SARNP: variants seen among roughly 807,000 people sequenced by gnomAD.
SARNP encodes the protein SAP domain-containing ribonucleoprotein.
In SARNP, 5 loss-of-function variants were observed where a neutral mutation model predicts 38.1. The observed-to-expected ratio is 0.13, with a 90% CI of 0.07 to 0.28. SARNP has a LOEUF of 0.28. Among genes scored for constraint, SARNP ranks in the 10% least tolerant of loss-of-function variants. The pLI is 1.00. For synonymous variants in SARNP, 84 were observed against 80.6 expected (o/e 1.04, Z -0.23); for missense variants, 180 against 243.9 (o/e 0.74, Z 1.75).
At chr12:55,760,736 C>T (rs1592553117) in intron 9 of SARNP, 96 bp from the exon 10 acceptor site, 1 of 810,308 alleles carries the variant, frequency 1.2e-6, no homozygotes, top group East Asian at 2.4e-5. Context: ...AAGGTGCTAA[C>T]CAACCCTGTG....
chr12:55,778,794 A>G (rs1565674804), intron 9 of SARNP, among the ~76,000 whole-genome samples: 1 of 152,084 alleles, frequency 6.6e-6, no homozygotes, highest in East Asian at 1.9e-4. Flanking sequence ...ACATGGTGAA[A>G]CTCTGTCTCT....
intron 9 of SARNP, among the ~76,000 whole-genome samples, chr12:55,763,088 C>T (rs1316597686): frequency 6.6e-6 from 1 of 152,158 alleles, no homozygotes; most frequent in Non-Finnish European, 1.5e-5. Context: ...GTTTTTCTGC[C>T]TTTCTCATTA....
At chr12:55,761,987 C>G (rs941095640) in intron 9 of SARNP, 1 of 152,214 alleles carries the variant, frequency 6.6e-6, no homozygotes, top group Non-Finnish European at 1.5e-5. Context: ...AACAGAAGGA[C>G]AGATAAGCAA....
At chr12:55,759,142 A>G (rs986209429) in intron 10 of SARNP, among the ~76,000 whole-genome samples, 21 of 152,240 alleles carry the variant, frequency 1.4e-4, no homozygotes, top group African/African-American at 4.8e-4. Flanking sequence ...CTGCTCTCCT[A>G]AAGTGCTGGG....
intron 1 of SARNP, among the ~76,000 whole-genome samples, chr12:55,812,773 C>G (rs1294403133): frequency 6.6e-6 from 1 of 152,248 alleles, no homozygotes; most frequent in Non-Finnish European, 1.5e-5. Context: ...CATTCCCATT[C>G]TTTTGAAGTC....
chr12:55,774,585 AAAAAAAAC>A lies in SARNP; in HGVS notation c.502-13953_502-13946del, dbSNP rs1423526625. 1.5e-4 allele frequency among the ~76,000 whole-genome samples: 23 copies of A among 149,006 alleles called. 1 individual carries two copies. Among genetic ancestry groups the A allele is most frequent in the African/African-American group, 4.5e-4 (18 of 39,774 alleles). On this transcript the variant is annotated intron_variant, in intron 9 of 10. Coordinates refer to ENST00000336133, the MANE Select transcript of SARNP (RefSeq NM_033082.4). ...AAAAAAAAAAAAAAACAAACAAAAA[AAAAAAAAC>A]AAAAATTAGCCAGGTGTGGCGGCAT...
At chr12:55,755,036 T>C (rs1026337423), downstream of SARNP, 1 of 152,132 alleles carries the variant, frequency 6.6e-6, no homozygotes, top group Non-Finnish European at 1.5e-5. Context: ...TTAAATCCCT[T>C]TGGAAGGGAA....
intron 1 of SARNP, among the ~76,000 whole-genome samples, chr12:55,809,299 C>G (rs1343274135): frequency 1.3e-5 from 2 of 152,024 alleles, no homozygotes; most frequent in East Asian, 1.9e-4. Context: ...AAAAAATTAG[C>G]CGAGCATAGT....
In SARNP at chr12:55,791,205, T is replaced by C. The variant is rs192227978; in HGVS notation, c.407-613A>G. Among the ~76,000 whole-genome samples, 490 of 152,338 alleles carry C rather than the reference T, an allele frequency of 3.2e-3. 3 individuals carry two copies. Among genetic ancestry groups the C allele is most frequent in the Non-Finnish European group, 3.0e-3 (206 of 68,028 alleles). On this transcript the variant is annotated intron_variant, in intron 7 of 10. Transcript: ENST00000336133. ...GCAGGGAGAGGTAATGGAGGATATCTACTAATGGGCACAGACTTTCTTTTT... is the reference window on the plus strand; with the variant it reads ...GCAGGGAGAGGTAATGGAGGATATCCACTAATGGGCACAGACTTTCTTTTT...
At chr12:55,797,575 T>C (rs955654126) in intron 4 of SARNP, among the ~76,000 whole-genome samples, 1 of 152,182 alleles carries the variant, frequency 6.6e-6, no homozygotes, top group African/African-American at 2.4e-5. Context: ...AGTAGTACTC[T>C]CCATCAACCC....
chr12:55,812,683 G>A (rs753462561), intron 1 of SARNP, among the ~76,000 whole-genome samples: 1 of 152,192 alleles, frequency 6.6e-6, no homozygotes, highest in Non-Finnish European at 1.5e-5. Flanking sequence ...CCAAACCCTG[G>A]AGTCATCTTT....
chr12:55,800,553 G>T lies in SARNP; in HGVS notation c.251+9C>A, dbSNP rs1879947909. On this transcript the variant is annotated intron_variant, in intron 4 of 10. Transcript: ENST00000336133. Reference sequence around the variant, plus strand: ...CTCTGTACTCAGATTATAAAAAAGGGATAATTACACATCAACAGTTTTTTC... The same window carrying T: ...CTCTGTACTCAGATTATAAAAAAGGTATAATTACACATCAACAGTTTTTTC... 7.0e-6 allele frequency: 11 copies of T among 1,574,782 alleles called. No homozygotes were observed. Among genetic ancestry groups the T allele is most frequent in the African/African-American group, 1.4e-5 (1 of 73,464 alleles).
chr12:55,804,716 A>G (rs1880085823), intron 1 of SARNP, among the ~76,000 whole-genome samples: 1 of 152,156 alleles, frequency 6.6e-6, no homozygotes, highest in Non-Finnish European at 1.5e-5. Context: ...ACGAAGCACA[A>G]CGACATGCTG....
At chr12:55,761,265 G>T (rs1878667871) in intron 9 of SARNP, among the ~76,000 whole-genome samples, 1 of 152,028 alleles carries the variant, frequency 6.6e-6, no homozygotes, top group Non-Finnish European at 1.5e-5. Flanking sequence ...TGAGGGATAT[G>T]GAAAACTGAG....
intron 9 of SARNP, among the ~76,000 whole-genome samples, chr12:55,788,683 T>C (rs779571237): frequency 7.2e-5 from 11 of 151,982 alleles, no homozygotes; most frequent in African/African-American, 2.4e-5. Flanking sequence ...CCTGTAGTTT[T>C]AGCTACGAGA....
At chr12:55,783,732 T>C (rs945036786) in intron 9 of SARNP, among the ~76,000 whole-genome samples, 2 of 152,092 alleles carry the variant, frequency 1.3e-5, no homozygotes, top group African/African-American at 4.8e-5. Flanking sequence ...CTCAGGTTCT[T>C]AAATCTGTAA....
chr12:55,806,693 C>T (rs1880155197), intron 1 of SARNP, among the ~76,000 whole-genome samples: 1 of 152,184 alleles, frequency 6.6e-6, no homozygotes, highest in Non-Finnish European at 1.5e-5. Context: ...GCGCATGCCA[C>T]CATGTCCAGC....
intron 9 of SARNP, among the ~76,000 whole-genome samples, chr12:55,783,317 G>A (rs532889061): frequency 6.6e-6 from 1 of 150,826 alleles, no homozygotes; most frequent in South Asian, 2.1e-4. Context: ...AGGGGGGTGG[G>A]TGGGAGGTTT....
intron 1 of SARNP, among the ~76,000 whole-genome samples, chr12:55,812,164 G>C (rs1880346434): frequency 6.6e-6 from 1 of 152,100 alleles, no homozygotes. Context: ...AGCCAAACTG[G>C]TCTTGTGCTA....
Sources: allele counts gnomAD v4.1 joint callset (sites outside exome capture counted in the v4.1 genomes callset), GRCh38; gene constraint gnomAD v4.1.1; transcripts MANE v1.5; gene names NCBI Gene and HGNC (gene_info 2026-07-23, HGNC 2026-07-21).